WWOX: variants seen among roughly 807,000 people sequenced by gnomAD.
WWOX encodes the protein WW domain containing oxidoreductase, also known as WW domain-containing oxidoreductase.
WWOX carries 69 observed loss-of-function variants against 46.2 expected under a neutral mutation model. That is an observed-to-expected ratio of 1.49 (90% CI 1.23 to 1.82). The LOEUF is 1.82. Among genes scored for constraint, WWOX ranks in the 40% most tolerant of loss-of-function variants. The pLI is 0.00. For missense variants in WWOX, 919 were observed against 542.6 expected (o/e 1.69, Z -6.89); for synonymous variants, 359 against 202.6 (o/e 1.77, Z -6.56).
At chr16:79,054,463 C>G (rs908200366) in intron 8 of WWOX, among the ~76,000 whole-genome samples, 1 of 152,194 alleles carries the variant, frequency 6.6e-6, no homozygotes, top group African/African-American at 2.4e-5. Context: ...TTCCAAAATG[C>G]GCGTGTTGCA....
intron 8 of WWOX, among the ~76,000 whole-genome samples, chr16:78,498,949 T>A (rs1037725429): frequency 6.6e-6 from 1 of 152,188 alleles, no homozygotes; most frequent in Non-Finnish European, 1.5e-5. Flanking sequence ...ATAATGATTG[T>A]TAAGATGGAA....
rs2082962235 is a variant in WWOX, at chr16:78,422,674, T to TATATATATACACACACACAC, written c.606-2187_606-2186insCACACACACACATATATATA. ...TGTTTTTTTTACATGTATATATATA[T>TATATATATACACACACACAC]ATATATATATACACACACACACACA... On this transcript the variant is annotated intron_variant, in intron 6 of 8. Transcript: ENST00000566780. Among the ~76,000 whole-genome samples the TATATATATACACACACACAC allele has an allele frequency of 1.6e-4, 10 of 63,232 alleles. 1 individual carries two copies. Among genetic ancestry groups the TATATATATACACACACACAC allele is most frequent in the African/African-American group, 8.8e-4 (10 of 11,408 alleles). The allele number at this position is 63,232 out of a possible 152,430, so 41.5% of individuals were successfully genotyped here. A position where few individuals can be genotyped will look rare whatever the true frequency, so the allele number is the denominator to read the frequency against.
At chr16:78,581,165 A>C (rs1597301348) in intron 8 of WWOX, among the ~76,000 whole-genome samples, 1 of 152,264 alleles carries the variant, frequency 6.6e-6, no homozygotes, top group South Asian at 2.1e-4. Context: ...CAAGTGTTTT[A>C]AAAATATTTA....
intron 8 of WWOX, among the ~76,000 whole-genome samples, chr16:78,855,167 A>T (rs1480708024): frequency 6.6e-6 from 1 of 152,200 alleles, no homozygotes; most frequent in African/African-American, 2.4e-5. Context: ...GTGGGTGAGG[A>T]GAAGAGTTTG....
At chr16:78,887,175 C>A in intron 8 of WWOX, among the ~76,000 whole-genome samples, 1 of 146,966 alleles carries the variant, frequency 6.8e-6, no homozygotes, top group Admixed American at 6.9e-5. Flanking sequence ...TATTTTCTCC[C>A]GTAAGTTAAA....
At chr16:78,964,382 G>T (rs1156578222) in intron 8 of WWOX, among the ~76,000 whole-genome samples, 1 of 152,120 alleles carries the variant, frequency 6.6e-6, no homozygotes, top group South Asian at 2.1e-4. Context: ...TGGAGCACAG[G>T]TGACTCTTGT....
intron 8 of WWOX, among the ~76,000 whole-genome samples, chr16:79,036,712 A>G (rs926319052): frequency 1.3e-5 from 2 of 152,188 alleles, no homozygotes; most frequent in Non-Finnish European, 1.5e-5. Context: ...GCTGGGATTG[A>G]TTAGTGATGT....
At chr16:79,021,672 C>G (rs529099686) in intron 8 of WWOX, among the ~76,000 whole-genome samples, 1 of 152,138 alleles carries the variant, frequency 6.6e-6, no homozygotes, top group Non-Finnish European at 1.5e-5. Context: ...GCTTCTCACA[C>G]GATCGCAGTG....
At chr16:78,889,211 T>G (rs965196196) in intron 8 of WWOX, among the ~76,000 whole-genome samples, 1 of 152,176 alleles carries the variant, frequency 6.6e-6, no homozygotes, top group East Asian at 1.9e-4. Context: ...ATTTTCTGTT[T>G]CCTTAAGTAA....
chr16:78,674,365 A>G (rs535074917), intron 8 of WWOX, among the ~76,000 whole-genome samples: 54 of 150,960 alleles, frequency 3.6e-4, no homozygotes, highest in Non-Finnish European at 6.8e-4. Context: ...GCTCACTGCA[A>G]CCTCTCCCTT....
chr16:78,469,014 C>G (rs953808275), intron 8 of WWOX, among the ~76,000 whole-genome samples: 2 of 152,182 alleles, frequency 1.3e-5, no homozygotes, highest in African/African-American at 4.8e-5. Flanking sequence ...TCTTGAGTCT[C>G]TCAAAAGACA....
chr16:78,513,751 C>G (rs1438682212), intron 8 of WWOX, among the ~76,000 whole-genome samples: 1 of 152,224 alleles, frequency 6.6e-6, no homozygotes, highest in African/African-American at 2.4e-5. Flanking sequence ...ATATACCCCT[C>G]TAAGAAGGGG....
chr16:79,129,213 A>C (rs1476413062), intron 8 of WWOX, among the ~76,000 whole-genome samples: 1 of 151,782 alleles, frequency 6.6e-6, no homozygotes, highest in Non-Finnish European at 1.5e-5. Context: ...AGGTGGGGAG[A>C]GACCATCAGG....
At chr16:78,174,998 G>GTAATCATAA (rs1555548217) in intron 5 of WWOX, among the ~76,000 whole-genome samples, 6 of 140,880 alleles carry the variant, frequency 4.3e-5, no homozygotes, top group Non-Finnish European at 7.7e-5. Context: ...AAAAATAATA[G>GTAATCATAA]TAATAATAAT....
At chr16:78,503,649 G>T (rs1323378350) in intron 8 of WWOX, 1 of 152,070 alleles carries the variant, frequency 6.6e-6, no homozygotes, top group African/African-American at 2.4e-5. Flanking sequence ...TATTCACAAG[G>T]TGCAAACACT....
At chr16:78,967,514 A>G (rs569089392) in intron 8 of WWOX, among the ~76,000 whole-genome samples, 1 of 129,434 alleles carries the variant, frequency 7.7e-6, no homozygotes, top group South Asian at 2.5e-4. Context: ...CATGTTCTCC[A>G]GGCTGGTTTC....
At chr16:78,387,477 A>G (rs143542074) in intron 6 of WWOX, among the ~76,000 whole-genome samples, 246 of 152,240 alleles carry the variant, frequency 1.6e-3, no homozygotes, top group African/African-American at 5.8e-3. Flanking sequence ...AGTCTTTCAA[A>G]ATTCCAGTTG....
chr16:79,195,350 T>C lies in WWOX; in HGVS notation c.1057-16258T>C, dbSNP rs182680900. ...ATGCTCCAGTCAATCCCAAGGAAAC[T>C]CTGAAGCTGGATTATTCTTCAGAGA... On this transcript the variant is annotated intron_variant, in intron 8 of 8. Coordinates refer to ENST00000566780, the MANE Select transcript of WWOX (RefSeq NM_016373.4). Among the ~76,000 whole-genome samples, 268 of 152,178 alleles carry C rather than the reference T, an allele frequency of 1.8e-3. 1 individual carries two copies. Among genetic ancestry groups the C allele is most frequent in the Middle Eastern group, 0.014 (4 of 294 alleles).
intron 8 of WWOX, among the ~76,000 whole-genome samples, chr16:79,150,045 G>T (rs6564649): frequency 0.15 from 22,358 of 152,116 alleles, 2,457 homozygotes; most frequent in African/African-American, 0.32. Flanking sequence ...GGTCAAATAC[G>T]TTCTTCTCTG....
Sources: gnomAD v4.1 joint callset for allele counts (sites outside exome capture counted in the v4.1 genomes callset) on GRCh38, gnomAD v4.1.1 for gene constraint, MANE v1.5 for transcripts, NCBI Gene and HGNC (gene_info 2026-07-23, HGNC 2026-07-21) for gene names.